FRMD4A: variants seen among roughly 807,000 people sequenced by gnomAD.
FRMD4A encodes the protein FERM domain containing 4A, also known as FERM domain-containing protein 4A.
Under a neutral mutation model 129.1 loss-of-function variants are expected in FRMD4A, and 29 were observed. The ratio of observed to expected loss-of-function variants is 0.22; its 90% CI spans 0.17 to 0.31. FRMD4A has a LOEUF of 0.31. Among genes scored for constraint, FRMD4A ranks in the 10% least tolerant of loss-of-function variants. The probability of loss-of-function intolerance (pLI) is 1.00; values close to 1 mark genes in which losing one functional copy is unlikely to be tolerated. For synonymous variants in FRMD4A, 634 were observed against 571.6 expected (o/e 1.11, Z -1.56); for missense variants, 1,272 against 1,375.8 (o/e 0.92, Z 1.19).
At chr10:13,994,495 G>A (rs1357552692) in intron 2 of FRMD4A, among the ~76,000 whole-genome samples, 11 of 151,914 alleles carry the variant, frequency 7.2e-5, no homozygotes, top group Admixed American at 6.6e-4. Flanking sequence ...GCTAAGTTTT[G>A]TACTTTCGTA....
intron 2 of FRMD4A, among the ~76,000 whole-genome samples, chr10:14,227,336 C>T (rs1294365108): frequency 7.2e-6 from 1 of 139,286 alleles, no homozygotes; most frequent in Non-Finnish European, 1.5e-5. Flanking sequence ...ACTGCAATCC[C>T]CACCTCCTGG....
intron 2 of FRMD4A, among the ~76,000 whole-genome samples, chr10:14,323,650 T>C (rs1843151657): frequency 6.6e-6 from 1 of 152,192 alleles, no homozygotes; most frequent in African/African-American, 2.4e-5. Context: ...AGCTCTTCCT[T>C]TTTTGGAACC....
chr10:13,856,486 A>C (rs911280831), intron 3 of FRMD4A, among the ~76,000 whole-genome samples: 5 of 152,144 alleles, frequency 3.3e-5, no homozygotes, highest in African/African-American at 4.8e-5. Context: ...GTACACAACC[A>C]ATCACAGCGA....
intron 2 of FRMD4A, among the ~76,000 whole-genome samples, chr10:14,137,994 C>G (rs551636101): frequency 8.4e-4 from 128 of 152,244 alleles, no homozygotes; most frequent in African/African-American, 3.0e-3. Flanking sequence ...TGTGTGCCTG[C>G]CCTTCACAAT....
At chr10:14,083,291 A>T (rs1415344950) in intron 2 of FRMD4A, 1 of 152,234 alleles carries the variant, frequency 6.6e-6, no homozygotes, top group Non-Finnish European at 1.5e-5. Flanking sequence ...CGACTGTTGC[A>T]TTCTAGAGAT....
chr10:14,180,831 C>T (rs1198969270), intron 2 of FRMD4A, among the ~76,000 whole-genome samples: 1 of 152,180 alleles, frequency 6.6e-6, no homozygotes, highest in African/African-American at 2.4e-5. Context: ...ATTTTCCAGA[C>T]CCCAGATCAA....
At chr10:13,757,743 T>A (rs375610522) in intron 8 of FRMD4A, among the ~76,000 whole-genome samples, 1 of 152,186 alleles carries the variant, frequency 6.6e-6, no homozygotes, top group Non-Finnish European at 1.5e-5. Context: ...CACTTTTGAC[T>A]TCGTCTTTTT....
At chr10:14,293,740 T>G (rs1024948900) in intron 2 of FRMD4A, among the ~76,000 whole-genome samples, 2 of 152,186 alleles carry the variant, frequency 1.3e-5, no homozygotes, top group Non-Finnish European at 2.9e-5. Flanking sequence ...CAATTCCACT[T>G]CTTGGCATAA....
intron 2 of FRMD4A, among the ~76,000 whole-genome samples, chr10:13,902,832 G>A (rs1328958169): frequency 7.6e-6 from 1 of 131,194 alleles, no homozygotes; most frequent in African/African-American, 3.1e-5. Context: ...AGAGTGAGAT[G>A]CAGTCTCAAA....
intron 2 of FRMD4A, among the ~76,000 whole-genome samples, chr10:14,221,172 G>A (rs1843247570): frequency 6.6e-6 from 1 of 152,186 alleles, no homozygotes; most frequent in Non-Finnish European, 1.5e-5. Context: ...CAAAGCAGAA[G>A]CAAGATGATC....
intron 2 of FRMD4A, among the ~76,000 whole-genome samples, chr10:13,916,417 G>T (rs1280250588): frequency 6.6e-6 from 1 of 152,172 alleles, no homozygotes; most frequent in East Asian, 1.9e-4. Context: ...GGGGATCCCA[G>T]CCCAGGTCAA....
At chr10:14,329,446 G>C (rs1054345886) in intron 2 of FRMD4A, among the ~76,000 whole-genome samples, 9 of 152,118 alleles carry the variant, frequency 5.9e-5, no homozygotes, top group Non-Finnish European at 8.8e-5. Flanking sequence ...GAAAATTCCA[G>C]AGGGGCATAA....
At chr10:13,880,649 G>A (rs1001000973) in intron 2 of FRMD4A, among the ~76,000 whole-genome samples, 1 of 151,994 alleles carries the variant, frequency 6.6e-6, no homozygotes, top group Non-Finnish European at 1.5e-5. Context: ...AACCTCTCTT[G>A]TTCCCTGCCA....
chr10:13,994,685 C>T (rs990890980), intron 2 of FRMD4A, among the ~76,000 whole-genome samples: 6 of 152,316 alleles, frequency 3.9e-5, no homozygotes, highest in Middle Eastern at 3.4e-3. Context: ...CTCTGTTCCT[C>T]TCTCACATAC....
chr10:14,152,896 A>G (rs928205959), intron 2 of FRMD4A, among the ~76,000 whole-genome samples: 2 of 152,126 alleles, frequency 1.3e-5, no homozygotes, highest in Non-Finnish European at 2.9e-5. Flanking sequence ...AAGAGGGGGA[A>G]CCCAGGCATC....
intron 16 of FRMD4A, 106 bp from the exon 17 acceptor site, chr10:13,670,634 T>C (rs1165153481): frequency 9.3e-7 from 1 of 1,075,228 alleles, no homozygotes; most frequent in South Asian, 1.4e-5. Flanking sequence ...AATGCACGCA[T>C]GCACTTCGAT....
intron 2 of FRMD4A, among the ~76,000 whole-genome samples, chr10:14,020,788 C>T (rs1382196653): frequency 2.0e-5 from 3 of 152,154 alleles, no homozygotes; most frequent in East Asian, 3.9e-4. Flanking sequence ...GGAGTGAAGG[C>T]TGTGCTTAGA....
At chr10:13,885,275 C>T (rs1279278052) in intron 2 of FRMD4A, among the ~76,000 whole-genome samples, 1 of 152,184 alleles carries the variant, frequency 6.6e-6, no homozygotes, top group Non-Finnish European at 1.5e-5. Context: ...CAGATATTAA[C>T]TAATTTGCTC....
chr10:14,042,430 A>G (rs1233531825), intron 2 of FRMD4A, among the ~76,000 whole-genome samples: 1 of 152,250 alleles, frequency 6.6e-6, no homozygotes, highest in Non-Finnish European at 1.5e-5. Flanking sequence ...GGACGCGTCA[A>G]GTTATAAATA....
Sources: gnomAD v4.1 joint callset for allele counts (sites outside exome capture counted in the v4.1 genomes callset) on GRCh38, gnomAD v4.1.1 for gene constraint, MANE v1.5 for transcripts, NCBI Gene and HGNC (gene_info 2026-07-23, HGNC 2026-07-21) for gene names.